The following CYYR1 variants were observed in gnomAD, a reference collection of about 807,000 sequenced individuals.
The protein encoded by CYYR1 is cysteine and tyrosine rich 1.
CYYR1 carries 14 observed loss-of-function variants against 15.2 expected under a neutral mutation model. The observed-to-expected ratio is 0.92, with a 90% CI of 0.61 to 1.44. The LOEUF (loss-of-function observed/expected upper bound fraction) is 1.44. Ranked by LOEUF, CYYR1 falls within the 40% of genes most tolerant of loss-of-function variation. The pLI is 0.00. For synonymous variants in CYYR1, 80 were observed against 77.4 expected, an observed-to-expected ratio of 1.03 and a Z score of -0.18; for missense variants, 228 against 209.5, an observed-to-expected ratio of 1.09 and a Z score of -0.54.
intron 3 of CYYR1, among the ~76,000 whole-genome samples, chr21:26,474,337 G>A (rs1601723647): frequency 6.6e-6 from 1 of 150,864 alleles, no homozygotes; most frequent in East Asian, 1.9e-4. Context: ...ACAGGTGTGA[G>A]CCACCATGCC....
intron 2 of CYYR1, among the ~76,000 whole-genome samples, chr21:26,553,510 T>C (rs1979541787): frequency 6.6e-6 from 1 of 152,180 alleles, no homozygotes; most frequent in South Asian, 2.1e-4. Context: ...CTCCTGCAGC[T>C]CTCTGTTCAT....
At chr21:26,497,262 A>G (rs2065418738) in intron 2 of CYYR1, among the ~76,000 whole-genome samples, 1 of 152,184 alleles carries the variant, frequency 6.6e-6, no homozygotes, top group African/African-American at 2.4e-5. Flanking sequence ...AACAACATCA[A>G]TAACTTATTT....
chr21:26,479,302 GAA>G (rs199514031), intron 3 of CYYR1, among the ~76,000 whole-genome samples: 3 of 130,820 alleles, frequency 2.3e-5, no homozygotes. Context: ...GATGATAGAG[GAA>G]AAAAAAAAAA....
At chr21:26,507,222 T>C (rs2065579615) in intron 2 of CYYR1, among the ~76,000 whole-genome samples, 1 of 152,180 alleles carries the variant, frequency 6.6e-6, no homozygotes, top group Non-Finnish European at 1.5e-5. Flanking sequence ...CAGCATATTA[T>C]TGCAGTATTC....
At chr21:26,495,597 T>G (rs2065388945) in intron 2 of CYYR1, among the ~76,000 whole-genome samples, 3 of 152,178 alleles carry the variant, frequency 2.0e-5, no homozygotes, top group Admixed American at 2.0e-4. Flanking sequence ...GGAGCAGATC[T>G]GCGTGACTGG....
At chr21:26,482,354 C>A in intron 2 of CYYR1, 1 of 985,222 alleles carries the variant, frequency 1.0e-6, no homozygotes, top group Non-Finnish European at 1.2e-6. Context: ...GAAATCTTTC[C>A]CACATTATCA....
At chr21:26,555,376 A>G (rs1350813657) in intron 2 of CYYR1, among the ~76,000 whole-genome samples, 1 of 152,226 alleles carries the variant, frequency 6.6e-6, no homozygotes, top group Non-Finnish European at 1.5e-5. Context: ...GTATCCACAC[A>G]GTAGAGTTGG....
intron 2 of CYYR1, among the ~76,000 whole-genome samples, chr21:26,560,100 C>T (rs73898268): frequency 0.012 from 1,896 of 152,248 alleles, 39 homozygotes; most frequent in African/African-American, 0.043. Flanking sequence ...CTCTTAATTT[C>T]ATTAGGTCTC....
intron 1 of CYYR1, chr21:26,568,813 T>G (rs1980821688): frequency 6.6e-6 from 1 of 152,080 alleles, no homozygotes; most frequent in Non-Finnish European, 1.5e-5. Flanking sequence ...ACCAGACACT[T>G]CTCAAAAGAA....
At chr21:26,488,209 G>A (rs2065276892) in intron 2 of CYYR1, among the ~76,000 whole-genome samples, 2 of 151,800 alleles carry the variant, frequency 1.3e-5, no homozygotes, top group African/African-American at 4.8e-5. Context: ...AAGTCTGAGG[G>A]TTGACTAAAA....
At chr21:26,495,500 T>C (rs148003240) in intron 2 of CYYR1, among the ~76,000 whole-genome samples, 1 of 152,316 alleles carries the variant, frequency 6.6e-6, no homozygotes, top group African/African-American at 2.4e-5. Flanking sequence ...TCCAACTGCA[T>C]TGGAGGGTTG....
At chr21:26,571,736 ATGT>A (rs1175199956) in intron 1 of CYYR1, among the ~76,000 whole-genome samples, 2 of 152,240 alleles carry the variant, frequency 1.3e-5, no homozygotes, top group African/African-American at 4.8e-5. Context: ...AAAGAAATAA[ATGT>A]TGTAAACAGA....
At chr21:26,542,263 G>C (rs1235257974) in intron 2 of CYYR1, among the ~76,000 whole-genome samples, 1 of 133,804 alleles carries the variant, frequency 7.5e-6, no homozygotes, top group African/African-American at 2.8e-5. Flanking sequence ...GAGAGAAAGA[G>C]AGAGAGAGAG....
chr21:26,468,211 A>G lies in CYYR1; in HGVS notation c.*290T>C, dbSNP rs2064991296. 1 of 394,192 alleles carries G rather than the reference A, an allele frequency of 2.5e-6. No individual in the cohort carries two copies. Among genetic ancestry groups the G allele is most frequent in the African/African-American group, 2.1e-5 (1 of 48,492 alleles). 24.4% of individuals were successfully genotyped at this position (394,192 alleles called of 1,614,324 possible). A position where few individuals can be genotyped will look rare whatever the true frequency, so the allele number is the denominator to read the frequency against. On this transcript the variant is annotated 3_prime_UTR_variant, in exon 4 of 4. Coordinates refer to ENST00000652641, the MANE Select transcript of CYYR1 (RefSeq NM_001320768.2). ...TTTCTTCACCTAGCCCTTAAACAACATGATTATCAGATATTTTGTCAATTA... is the reference window on the plus strand; with the variant it reads ...TTTCTTCACCTAGCCCTTAAACAACGTGATTATCAGATATTTTGTCAATTA...
At chr21:26,511,660 G>A (rs922836013) in intron 2 of CYYR1, among the ~76,000 whole-genome samples, 1 of 152,208 alleles carries the variant, frequency 6.6e-6, no homozygotes, top group Non-Finnish European at 1.5e-5. Flanking sequence ...AGAGGAGCAA[G>A]TGATTGCAAA....
At chr21:26,562,287 T>A (rs1305316138) in intron 2 of CYYR1, among the ~76,000 whole-genome samples, 1 of 152,208 alleles carries the variant, frequency 6.6e-6, no homozygotes, top group Non-Finnish European at 1.5e-5. Context: ...AAAGTTTGCA[T>A]TCCAAATATT....
At chr21:26,554,156 C>T (rs572654379) in intron 2 of CYYR1, among the ~76,000 whole-genome samples, 364 of 152,250 alleles carry the variant, frequency 2.4e-3, no homozygotes, top group Non-Finnish European at 4.1e-3. Flanking sequence ...TCAACTGTTA[C>T]ATACAAAGGA....
rs1018669457 is a variant in CYYR1 at position 26,478,589 on chromosome 21, C to T, written c.334+1683G>A. Among the ~76,000 whole-genome samples the T allele has an allele frequency of 3.3e-5, 5 of 152,080 alleles. 1 individual carries two copies. The South Asian group carries it at 6.2e-4, about 19-fold the overall frequency. ...ACCACACGCTTTAATGCCTCCTCTG[C>T]GGGAAATGGGGAACCGCTGGAAGAT... On this transcript the variant is annotated intron_variant, in intron 3 of 3. Transcript: ENST00000652641.
chr21:26,520,110 G>T (rs2065782745), intron 2 of CYYR1, among the ~76,000 whole-genome samples: 1 of 47,778 alleles, frequency 2.1e-5, no homozygotes, highest in Non-Finnish European at 4.5e-5. Flanking sequence ...AAAAAACCCA[G>T]GAGATATATA....
Sources: allele counts gnomAD v4.1 joint callset (sites outside exome capture counted in the v4.1 genomes callset), GRCh38; gene constraint gnomAD v4.1.1; transcripts MANE v1.5; gene names NCBI Gene and HGNC (gene_info 2026-07-23, HGNC 2026-07-21).